The following SUZ12 variants were observed in gnomAD, a reference collection of about 807,000 sequenced individuals.
SUZ12 encodes polycomb protein SUZ12.
SUZ12 carries 17 observed loss-of-function variants against 87.3 expected under a neutral mutation model. The ratio of observed to expected loss-of-function variants is 0.19; its 90% CI spans 0.13 to 0.29. The LOEUF is 0.29. Ranked by LOEUF, SUZ12 falls within the 10% of genes least tolerant of loss-of-function variation. The pLI is 1.00. For synonymous variants in SUZ12, 253 were observed against 312.4 expected (o/e 0.81, Z 2.01); for missense variants, 526 against 912.2 (o/e 0.58, Z 5.45).
At chr17:31,978,326 A>G (rs1472601427) in intron 8 of SUZ12, among the ~76,000 whole-genome samples, 10 of 152,096 alleles carry the variant, frequency 6.6e-5, no homozygotes, top group Non-Finnish European at 2.9e-5. Flanking sequence ...CACCTGCCTC[A>G]GCCTCCTGAA....
chr17:31,993,990 A>G lies in SUZ12; in HGVS notation c.1419A>G (p.Arg473=). ...LLKHLKLCHS[R]FIFNYVYHPK... is the part of the protein sequence containing the mutation. ...AGCATCTTAAACTCTGCCATAGCAG[A>G]TTTATCTTCAACTATGTTGTGAGTA... is the stretch of plus-strand genomic sequence containing the variant. Residue 473 remains arginine, a synonymous_variant, in exon 12 of 16, where the codon AGA becomes AGG. Transcript: ENST00000322652. 1 of 1,612,416 alleles carries G rather than the reference A, an allele frequency of 6.2e-7. No homozygotes were observed. The highest frequency in any genetic ancestry group is 1.3e-5 in the African/African-American group (1 of 74,948).
Position 31,998,945 on chromosome 17 carries a change from C to T in SUZ12, c.2162C>T (p.Ala721Val), listed in dbSNP as rs775845933. Residue 721 changes from alanine to valine, a missense_variant, in exon 16 of 16, where the codon GCT (alanine) becomes GTT (valine). This residue lies in a region of SUZ12 where 56 missense variants were observed against 56.6 expected (regional missense o/e 0.99). Coordinates refer to ENST00000322652, the MANE Select transcript of SUZ12 (RefSeq NM_015355.4). ...AGTGAAATTAACTCAAAAGAGAAAG[C>T]TTTGGAAACAGATAGTGTCTCAGGG... is the stretch of plus-strand genomic sequence containing the variant. ...GFSEINSKEKALETDSVSGVS... is the reference protein window; with the variant it reads ...GFSEINSKEKVLETDSVSGVS... 2 of 1,607,204 alleles carry T rather than the reference C, an allele frequency of 1.2e-6. No individual in the cohort carries two copies. The highest frequency in any genetic ancestry group is 2.2e-5 in the South Asian group (2 of 89,820).
intron 6 of SUZ12, among the ~76,000 whole-genome samples, 197 bp downstream of exon 6, chr17:31,973,428 A>G (rs997437183): frequency 1.3e-5 from 2 of 152,162 alleles, no homozygotes; most frequent in African/African-American, 4.8e-5. Flanking sequence ...TCTTTTAATA[A>G]GTGTCTGTAC....
At chr17:31,945,782 AG>A (rs1906597644) in intron 3 of SUZ12, among the ~76,000 whole-genome samples, 1 of 152,182 alleles carries the variant, frequency 6.6e-6, no homozygotes, top group African/African-American at 2.4e-5. Context: ...AGCTTCATAA[AG>A]GTAGAAGAGA....
At chr17:31,949,828 C>T (rs1046542020) in intron 4 of SUZ12, among the ~76,000 whole-genome samples, 19 of 151,254 alleles carry the variant, frequency 1.3e-4, no homozygotes, top group Non-Finnish European at 8.8e-5. Flanking sequence ...GGAATACAGA[C>T]GTGCACCACC....
At chr17:31,957,895 C>CTTTTTTTTTTTTTTTTTTTTTTTT (rs1181314058) in intron 4 of SUZ12, among the ~76,000 whole-genome samples, 1 of 91,332 alleles carries the variant, frequency 1.1e-5, no homozygotes, top group Non-Finnish European at 2.2e-5. Flanking sequence ...ACCTTTTGTC[C>CTTTTTTTTTTTTTTTTTTTTTTTT]TTTTTTTTTT....
chr17:31,952,463 A>G (rs1369973376), intron 4 of SUZ12, among the ~76,000 whole-genome samples: 2 of 152,176 alleles, frequency 1.3e-5, no homozygotes, highest in African/African-American at 2.4e-5. Context: ...ACCAGGCACT[A>G]TGGCTGATTA....
intron 3 of SUZ12, among the ~76,000 whole-genome samples, chr17:31,940,810 C>T (rs75048133): frequency 6.6e-5 from 10 of 151,416 alleles, no homozygotes; most frequent in South Asian, 2.1e-4. Flanking sequence ...GTCAGGAGTT[C>T]GAGACCAGTT....
rs1391996815 is a variant in SUZ12 at position 31,937,343 on chromosome 17, G to T, written c.97G>T (p.Ala33Ser). 2.7e-6 allele frequency: 4 copies of T among 1,482,058 alleles called. No individual in the cohort carries two copies. The highest frequency in any genetic ancestry group is 3.6e-6 in the Non-Finnish European group (4 of 1,121,048). The allele number at this position is 1,482,058 out of a possible 1,614,324, so 91.8% of individuals were successfully genotyped here. A position where few individuals can be genotyped will look rare whatever the true frequency, so the allele number is the denominator to read the frequency against. Reference protein sequence around the residue: ...GGFGGSAAVAAATASGGKSGG... With the variant: ...GGFGGSAAVASATASGGKSGG... ...CTTCGGGGGTTCGGCGGCGGTGGCG[G>T]CGGCGACGGCTTCGGGCGGCAAATC... Residue 33 changes from alanine (A) to serine (S), a missense_variant, in exon 1 of 16, where the codon GCG (alanine) becomes TCG (serine). Coordinates refer to ENST00000322652, the MANE Select transcript of SUZ12 (RefSeq NM_015355.4).
chr17:31,984,939 T>C (rs1567833658), intron 9 of SUZ12, among the ~76,000 whole-genome samples: 1 of 152,138 alleles, frequency 6.6e-6, no homozygotes. Context: ...GTGGATCACC[T>C]GAGGTTATGA....
intron 14 of SUZ12, 67 bp downstream of exon 14, chr17:31,995,829 T>C: frequency 1.7e-6 from 2 of 1,163,150 alleles, no homozygotes; most frequent in Non-Finnish European, 1.2e-6. Context: ...TTGCTTACTA[T>C]GAACTAGACT....
Position 31,999,761 on chromosome 17 carries a change from T to G in SUZ12, c.*758T>G. ...CCCGGTATGTTTTTTTTTTTTAACTTGAACATTTTGCTTGTTTTGTTTTTC... is the reference window on the plus strand; with the variant it reads ...CCCGGTATGTTTTTTTTTTTTAACTGGAACATTTTGCTTGTTTTGTTTTTC... On this transcript the variant is annotated 3_prime_UTR_variant, in exon 16 of 16. Coordinates refer to ENST00000322652, the MANE Select transcript of SUZ12 (RefSeq NM_015355.4). 1 of 232,356 alleles carries G rather than the reference T, an allele frequency of 4.3e-6. No individual in the cohort carries two copies. 14.4% of individuals were successfully genotyped at this position (232,356 alleles called of 1,614,324 possible). A position where few individuals can be genotyped will look rare whatever the true frequency, so the allele number is the denominator to read the frequency against.
At chr17:31,959,976 T>C (rs1328494322) in intron 4 of SUZ12, among the ~76,000 whole-genome samples, 1 of 152,176 alleles carries the variant, frequency 6.6e-6, no homozygotes, top group Non-Finnish European at 1.5e-5. Flanking sequence ...GTTTCTTATA[T>C]CTTATTCTGG....
intron 8 of SUZ12, among the ~76,000 whole-genome samples, chr17:31,977,273 CTTTTTT>C (rs762777458): frequency 8.5e-6 from 1 of 117,338 alleles, no homozygotes; most frequent in African/African-American, 3.3e-5. Context: ...GAGATCCCAT[CTTTTTT>C]TTTTTTTTTT....
intron 4 of SUZ12, among the ~76,000 whole-genome samples, chr17:31,953,384 T>A (rs935800952): frequency 6.6e-6 from 1 of 152,174 alleles, no homozygotes; most frequent in Non-Finnish European, 1.5e-5. Flanking sequence ...TTGCTGGGAT[T>A]ACAGGTGTGA....
At chr17:31,964,426 A>G (rs1907962448) in intron 4 of SUZ12, among the ~76,000 whole-genome samples, 1 of 136,362 alleles carries the variant, frequency 7.3e-6, no homozygotes, top group Non-Finnish European at 1.5e-5. Context: ...TTTTTTTTTG[A>G]GACTGAGTCT....
chr17:31,994,885 C>G (rs557822115), intron 13 of SUZ12, among the ~76,000 whole-genome samples, 164 bp downstream of exon 13: 1 of 152,290 alleles, frequency 6.6e-6, no homozygotes, highest in South Asian at 2.1e-4. Flanking sequence ...TTGATAGCTC[C>G]TATTTCTACA....
intron 3 of SUZ12, among the ~76,000 whole-genome samples, chr17:31,945,860 G>A (rs8066558): frequency 1.3e-5 from 2 of 151,854 alleles, no homozygotes; most frequent in Non-Finnish European, 2.9e-5. Flanking sequence ...AACATTATTC[G>A]GAAAAGTTTT....
chr17:31,947,489 C>T (rs904401196), intron 3 of SUZ12, 128 bp from the exon 4 acceptor site: 14 of 1,220,630 alleles, frequency 1.1e-5, no homozygotes, highest in Non-Finnish European at 1.6e-5. Flanking sequence ...GGCTAATCAT[C>T]CATAATTTAT....
Sources: gnomAD v4.1 joint callset for allele counts (sites outside exome capture counted in the v4.1 genomes callset) on GRCh38, gnomAD v4.1.1 for gene constraint, gnomAD v4.1.1 regional missense constraint, MANE v1.5 for transcripts, NCBI Gene and HGNC (gene_info 2026-07-23, HGNC 2026-07-21) for gene names.